ECPAS: variants seen among roughly 807,000 people sequenced by gnomAD.
ECPAS encodes the protein proteasome adapter and scaffold protein ECM29.
ECPAS carries 70 observed loss-of-function variants against 255.1 expected under a neutral mutation model. The observed-to-expected ratio is 0.27, with a 90% confidence interval of 0.23 to 0.33. ECPAS has a LOEUF of 0.33. Ranked by LOEUF, ECPAS falls within the 10% of genes least tolerant of loss-of-function variation. The probability of loss-of-function intolerance (pLI) is 1.00; values close to 1 mark genes in which losing one functional copy is unlikely to be tolerated. For synonymous variants in ECPAS, 784 were observed against 775.0 expected (o/e 1.01, Z -0.19); for missense variants, 1,817 against 2,206.4 (o/e 0.82, Z 3.54).
intron 27 of ECPAS, 44 bp downstream of exon 27, chr9:111,393,636 A>T (rs1323228758): frequency 8.0e-7 from 1 of 1,257,112 alleles, no homozygotes; most frequent in East Asian, 2.3e-5. Context: ...AACATTTAAA[A>T]TACAAGTTCA....
intron 20 of ECPAS, among the ~76,000 whole-genome samples, chr9:111,412,719 A>C (rs1206276629): frequency 6.6e-6 from 1 of 152,242 alleles, no homozygotes; most frequent in East Asian, 1.9e-4. Flanking sequence ...ATCATTTTAA[A>C]ATCAGTCAAT....
At chr9:111,455,462 C>T (rs1044524944) in intron 2 of ECPAS, among the ~76,000 whole-genome samples, 16 of 151,976 alleles carry the variant, frequency 1.1e-4, no homozygotes, top group African/African-American at 3.1e-4. Flanking sequence ...CCAGTCTGGG[C>T]AATAAAGCGA....
At chr9:111,383,565 T>G (rs1393447810) in intron 34 of ECPAS, among the ~76,000 whole-genome samples, 1 of 152,142 alleles carries the variant, frequency 6.6e-6, no homozygotes, top group Non-Finnish European at 1.5e-5. Context: ...GTCCTCCAAT[T>G]TGTGAAATAC....
chr9:111,428,261 T>C (rs2098224629), intron 9 of ECPAS, 100 bp from the exon 10 acceptor site: 1 of 1,165,654 alleles, frequency 8.6e-7, no homozygotes, highest in South Asian at 1.6e-5. Flanking sequence ...TCAAACTTTG[T>C]TTCAAGATCC....
chr9:111,407,430 A>AAAAAAAAAC, intron 24 of ECPAS, among the ~76,000 whole-genome samples: 1 of 146,250 alleles, frequency 6.8e-6, no homozygotes, highest in Non-Finnish European at 1.5e-5. Flanking sequence ...AAAAAAAAAA[A>AAAAAAAAAC]AAAAAAAACC....
At chr9:111,461,683 T>C (rs1337588866) in intron 2 of ECPAS, among the ~76,000 whole-genome samples, 2 of 152,124 alleles carry the variant, frequency 1.3e-5, no homozygotes, top group Non-Finnish European at 2.9e-5. Flanking sequence ...GGGAGAACAA[T>C]ATTTAATCCC....
At chr9:111,483,738 C>A in intron 1 of ECPAS, 1 of 162,042 alleles carries the variant, frequency 6.2e-6, no homozygotes, top group Non-Finnish European at 1.3e-5. Context: ...CCCCCGCGAG[C>A]TCGCGACTCG....
chr9:111,402,286 C>T (rs2098177348), intron 24 of ECPAS, among the ~76,000 whole-genome samples: 1 of 152,164 alleles, frequency 6.6e-6, no homozygotes, highest in Non-Finnish European at 1.5e-5. Context: ...TAAATGAAGA[C>T]TTTCCTGGGT....
intron 15 of ECPAS, among the ~76,000 whole-genome samples, chr9:111,421,018 C>A: frequency 6.6e-6 from 1 of 152,166 alleles, no homozygotes; most frequent in East Asian, 1.9e-4. Flanking sequence ...ATCACACTTC[C>A]TTGTAAAGTT....
At chr9:111,405,988 TA>T (rs1379711960) in intron 24 of ECPAS, among the ~76,000 whole-genome samples, 1 of 149,748 alleles carries the variant, frequency 6.7e-6, no homozygotes, top group African/African-American at 2.5e-5. Flanking sequence ...AGAACTATCA[TA>T]TAACCCAGCA....
chr9:111,428,859 T>C (rs1345246790), intron 9 of ECPAS, among the ~76,000 whole-genome samples: 1 of 152,236 alleles, frequency 6.6e-6, no homozygotes, highest in East Asian at 1.9e-4. Context: ...GGCTCCCTTG[T>C]CCTTATATGC....
chr9:111,425,202 T>C (rs1019186995), intron 12 of ECPAS, among the ~76,000 whole-genome samples: 1 of 150,874 alleles, frequency 6.6e-6, no homozygotes, highest in African/African-American at 2.4e-5. Flanking sequence ...AAAAAAAAGA[T>C]ATAGTAAGAC....
rs532392424 is a variant in ECPAS, at chr9:111,399,635, C to T, written c.2653-2482G>A. On this transcript the variant is annotated intron_variant, in intron 24 of 49. Transcript: ENST00000684092. ...CAGGCCCACAAATAAATTTCACCAG[C>T]GGCTAGACCACACTTGGAGGGAGGA... is the stretch of plus-strand genomic sequence containing the variant. Among the ~76,000 whole-genome samples the T allele has an allele frequency of 5.3e-5, 8 of 152,288 alleles. No individual in the cohort carries two copies. In the East Asian group the frequency reaches 1.3e-3, roughly 26 times the overall value.
chr9:111,472,903 A>T lies in ECPAS; in HGVS notation c.16T>A (p.Cys6Ser), dbSNP rs2098290852. MYHIDCRDQLERVFLR... is the reference protein window; with the variant it reads MYHIDSRDQLERVFLR... Reference sequence around the variant, plus strand: ...AGGAACTAAATCTACTAACCTCTACAATCAATGTGATACATGGTTTATCCA... The same window carrying T: ...AGGAACTAAATCTACTAACCTCTACTATCAATGTGATACATGGTTTATCCA... Residue 6 changes from cysteine (C) to serine (S), a missense_variant, in exon 2 of 50, where the codon TGT (cysteine) becomes AGT (serine). By Grantham distance (112) the Cys-to-Ser change is moderately radical (BLOSUM62 -1). Around this residue, in one of 4 missense-constraint regions of ECPAS, gnomAD observed 90 missense variants for 158.5 expected, o/e 0.57. Coordinates refer to ENST00000684092, the MANE Select transcript of ECPAS (RefSeq NM_001364929.1). The T allele has an allele frequency of 8.1e-7, 1 of 1,227,012 alleles. No homozygotes were observed. 76.0% of individuals were successfully genotyped at this position (1,227,012 alleles called of 1,614,324 possible).
chr9:111,403,230 T>C (rs974445776), intron 24 of ECPAS, among the ~76,000 whole-genome samples: 29 of 151,284 alleles, frequency 1.9e-4, no homozygotes, highest in African/African-American at 7.0e-4. Context: ...CATGGTGGCT[T>C]GTGCCTGTAG....
intron 24 of ECPAS, among the ~76,000 whole-genome samples, chr9:111,401,790 T>C (rs1048295314): frequency 6.6e-6 from 1 of 152,216 alleles, no homozygotes. Context: ...CTCACACATC[T>C]GTCTACAGGC....
At chr9:111,471,717 T>C (rs1453436931) in intron 2 of ECPAS, among the ~76,000 whole-genome samples, 2 of 152,224 alleles carry the variant, frequency 1.3e-5, no homozygotes, top group Non-Finnish European at 2.9e-5. Context: ...TAGAATTAAA[T>C]GGCTTTTCTC....
At chr9:111,362,673 GA>G (rs2131448923) in intron 49 of ECPAS, among the ~76,000 whole-genome samples, 1 of 152,244 alleles carries the variant, frequency 6.6e-6, no homozygotes, top group Non-Finnish European at 1.5e-5. Context: ...TAGAAAATAA[GA>G]AAGTATATCA....
chr9:111,411,004 T>A lies in ECPAS; in HGVS notation c.2353A>T (p.Ile785Phe). 1 of 1,613,728 alleles carries A rather than the reference T, an allele frequency of 6.2e-7. No homozygotes were observed. Residue 785 changes from isoleucine to phenylalanine, a missense_variant, in exon 22 of 50, where the codon ATT becomes TTT. Transcript: ENST00000684092. ...ADTLPDQEEL[I>F]QSATETIGSF... ...CCTATTGTTTCTGTAGCACTCTGAA[T>A]GAGTTCCTCTTGATCAGGGAGGGTG...
Sources: gnomAD v4.1 joint callset for allele counts (sites outside exome capture counted in the v4.1 genomes callset) on GRCh38, gnomAD v4.1.1 for gene constraint, gnomAD v4.1.1 regional missense constraint, MANE v1.5 for transcripts, NCBI Gene and HGNC (gene_info 2026-07-23, HGNC 2026-07-21) for gene names.